Variants in FSIP2 observed in about 807,000 individuals in gnomAD.
FSIP2 encodes the protein fibrous sheath-interacting protein 2.
FSIP2 carries 367 observed loss-of-function variants against 510.5 expected under a neutral mutation model. That is an observed-to-expected ratio of 0.72 (90% CI 0.66 to 0.78). FSIP2 has a LOEUF of 0.78. Ranked by LOEUF, FSIP2 falls within the 30% of genes least tolerant of loss-of-function variation. FSIP2 has a pLI of 0.00. For missense variants in FSIP2, 7,594 were observed against 7,901.7 expected (o/e 0.96, Z 1.48); for synonymous variants, 2,601 against 2,732.2 (o/e 0.95, Z 1.50).
chr2:185,805,869 T>C lies in FSIP2; in HGVS notation c.16563T>C (p.Asp5521=). 6.2e-7 allele frequency: 1 copy of C among 1,608,708 alleles called. No individual in the cohort carries two copies. The highest frequency in any genetic ancestry group is 8.5e-7 in the Non-Finnish European group (1 of 1,177,780). The change falls in exon 17 of 23, where the codon GAT becomes GAC. Residue 5521 remains aspartate, a synonymous_variant. Coordinates refer to ENST00000424728, the MANE Select transcript of FSIP2 (RefSeq NM_173651.4). ...ATGVTNKKEV[D]ENKVGICTQK... is the part of the protein sequence containing the mutation. ...GTGTGACAAATAAAAAGGAAGTGGA[T>C]GAAAATAAAGTGGGAATTTGTACTC...
At position 185,808,101 on chromosome 2, in the gene FSIP2, C is replaced by G; in HGVS notation, c.18795C>G (p.Gly6265=). 1 of 1,605,972 alleles carries G rather than the reference C, an allele frequency of 6.2e-7. No individual in the cohort carries two copies. The highest frequency in any genetic ancestry group is 8.5e-7 in the Non-Finnish European group (1 of 1,176,816). ...ATACCAGTGTTTTAAAGCACTCTGG[C>G]TCTTATACTTCTGTATTTAAAGATT... is the stretch of plus-strand genomic sequence containing the variant. ...SIYTSVLKHS[G]SYTSVFKDLM... Residue 6265 remains glycine (G), a synonymous_variant, in exon 17 of 23, where the codon GGC becomes GGG. Transcript: ENST00000424728.
intron 13 of FSIP2, chr2:185,765,638 G>C (rs1364167511): frequency 6.6e-6 from 1 of 151,906 alleles, no homozygotes; most frequent in East Asian, 1.9e-4. Flanking sequence ...CTCTTTTTTG[G>C]TTCCATATGA....
intron 20 of FSIP2, among the ~76,000 whole-genome samples, chr2:185,827,599 T>C (rs977195964): frequency 6.6e-6 from 1 of 151,908 alleles, no homozygotes; most frequent in Admixed American, 6.6e-5. Flanking sequence ...ATTTCACGAA[T>C]ACACTGACCT....
intron 1 of FSIP2, 31 bp downstream of exon 1, chr2:185,739,024 C>A: frequency 1.3e-6 from 2 of 1,522,326 alleles, no homozygotes; most frequent in South Asian, 2.4e-5. Flanking sequence ...CGGCGTCGCC[C>A]TCTGGCGGCC....
chr2:185,781,532 G>T (rs988786338), intron 13 of FSIP2, among the ~76,000 whole-genome samples: 1 of 152,072 alleles, frequency 6.6e-6, no homozygotes. Context: ...TTTTGGGGGG[G>T]CCCAATGTCT....
At position 185,760,987 on chromosome 2, in the gene FSIP2, G is replaced by T; in HGVS notation, c.1079-1G>T. 1 of 1,319,526 alleles carries T rather than the reference G, an allele frequency of 7.6e-7. No individual in the cohort carries two copies. Among genetic ancestry groups the T allele is most frequent in the Non-Finnish European group, 1.0e-6 (1 of 979,690 alleles). 81.7% of individuals were successfully genotyped at this position (1,319,526 alleles called of 1,614,324 possible). A position where few individuals can be genotyped will look rare whatever the true frequency, so the allele number is the denominator to read the frequency against. On this transcript the variant is annotated splice_acceptor_variant, in intron 9 of 22. Coordinates refer to ENST00000424728, the MANE Select transcript of FSIP2 (RefSeq NM_173651.4). LOFTEE classifies it high-confidence loss of function. Reference sequence around the variant, plus strand: ...AGAGTTTCTCTCTCGTTTTCTTTTAGGACATACAGCAAATGCTGCTCATCA... The same window carrying T: ...AGAGTTTCTCTCTCGTTTTCTTTTATGACATACAGCAAATGCTGCTCATCA...
rs1172987227 is a variant in FSIP2 at position 185,783,104 on chromosome 2, G to GT, written c.1469+348dup. 5.3e-5 allele frequency among the ~76,000 whole-genome samples: 8 copies of GT among 152,142 alleles called. 1 individual carries two copies. The Middle Eastern group carries it at 0.017, about 323-fold the overall frequency. Reference sequence around the variant, plus strand: ...CTTTGAAACAGCTACCATTTCTTATGTTTTTTGAGATTATTGGCTGTCTAA... The same window carrying GT: ...CTTTGAAACAGCTACCATTTCTTATGTTTTTTTGAGATTATTGGCTGTCTAA... On this transcript the variant is annotated intron_variant, in intron 14 of 22. Transcript: ENST00000424728.
chr2:185,787,824 T>C (rs1693025155), intron 15 of FSIP2, among the ~76,000 whole-genome samples: 1 of 151,690 alleles, frequency 6.6e-6, no homozygotes, highest in Non-Finnish European at 1.5e-5. Flanking sequence ...CCCTCCCTAC[T>C]CTTTGATTCC....
At chr2:185,798,705 C>T (rs1693356349) in intron 16 of FSIP2, among the ~76,000 whole-genome samples, 1 of 151,800 alleles carries the variant, frequency 6.6e-6, no homozygotes, top group Non-Finnish European at 1.5e-5. Flanking sequence ...CTTAAATAGA[C>T]TTACTCCAGG....
At chr2:185,823,654 G>A (rs1370022006) in intron 19 of FSIP2, among the ~76,000 whole-genome samples, 1 of 151,744 alleles carries the variant, frequency 6.6e-6, no homozygotes, top group Non-Finnish European at 1.5e-5. Context: ...AACTTCAATA[G>A]TGCAGACATT....
chr2:185,750,048 A>T lies in FSIP2; in HGVS notation c.870+2625A>T, dbSNP rs376602071. Among the ~76,000 whole-genome samples the T allele has an allele frequency of 2.0e-5, 3 of 151,722 alleles. No individual in the cohort carries two copies. In the South Asian group the frequency reaches 6.2e-4, roughly 31 times the overall value. ...TGGTCTGATTGTATTATCATTTTAC[A>T]TATTGTTGTATTAAATTTGCCAACA... On this transcript the variant is annotated intron_variant, in intron 7 of 22. Transcript: ENST00000424728.
Position 185,805,644 on chromosome 2 carries a change from T to G in FSIP2, c.16338T>G (p.Tyr5446Ter), listed in dbSNP as rs767925619. ...ENQLSLPDQSYKDTSSTPDCK... is the reference protein window; with the variant it reads ...ENQLSLPDQS ...AACTTTCTTTACCAGATCAATCATA[T>G]AAAGATACTTCTTCCACCCCAGATT... The change falls in exon 17 of 23, where the codon TAT (tyrosine) becomes TAG (stop). Residue 5446 changes from tyrosine to a stop codon, truncating the protein, a stop_gained. Coordinates refer to ENST00000424728, the MANE Select transcript of FSIP2 (RefSeq NM_173651.4). LOFTEE classifies it high-confidence loss of function. The G allele has an allele frequency of 4.1e-5, 66 of 1,610,600 alleles. No homozygotes were observed. Among genetic ancestry groups the G allele is most frequent in the Non-Finnish European group, 5.3e-5 (63 of 1,178,430 alleles).
At position 185,795,908 on chromosome 2, in the gene FSIP2, A is replaced by G. The variant is rs1693260736; in HGVS notation, c.8772A>G (p.Leu2924=). 4 of 1,533,696 alleles carry G rather than the reference A, an allele frequency of 2.6e-6. No homozygotes were observed. The highest frequency in any genetic ancestry group is 8.7e-7 in the Non-Finnish European group (1 of 1,145,548). The change falls in exon 16 of 23, where the codon CTA becomes CTG. Residue 2924 remains leucine (L), a synonymous_variant. Transcript: ENST00000424728. ...NMFGREIVEM[L]LEKLQLCFLS... is the part of the protein sequence containing the mutation. ...TTGGAAGGGAAATTGTTGAAATGCT[A>G]CTTGAAAAACTACAGCTATGCTTTC...
chr2:185,806,840 A>C lies in FSIP2; in HGVS notation c.17534A>C (p.Lys5845Thr), dbSNP rs1693593337. Residue 5845 changes from lysine to threonine, a missense_variant, in exon 17 of 23, where the codon AAG (lysine) becomes ACG (threonine). Physicochemically the swap from Lys to Thr is moderately conservative, Grantham distance 78 (BLOSUM62 -1). Transcript: ENST00000424728. ...AAGGAGTTCTCAGATGCTCAAATTA[A>C]GGTTTTCAGGCCAGATAAGGGAAAT... ...LLKEFSDAQI[K>T]VFRPDKGNQF... 1 of 1,609,812 alleles carries C rather than the reference A, an allele frequency of 6.2e-7. No individual in the cohort carries two copies.
intron 19 of FSIP2, 76 bp from the exon 20 acceptor site, chr2:185,824,358 C>A: frequency 1.1e-6 from 1 of 921,976 alleles, no homozygotes; most frequent in Non-Finnish European, 1.7e-6. Flanking sequence ...TGGAGAATAA[C>A]TGTTCTTTTG....
At chr2:185,746,495 T>C (rs1692036889) in intron 5 of FSIP2, among the ~76,000 whole-genome samples, 174 bp from the exon 6 acceptor site, 1 of 152,068 alleles carries the variant, frequency 6.6e-6, no homozygotes, top group East Asian at 1.9e-4. Context: ...GGTGAGCTGG[T>C]GGGTTAGGCT....
At chr2:185,812,521 A>C (rs748318658) in intron 17 of FSIP2, among the ~76,000 whole-genome samples, 3 of 152,044 alleles carry the variant, frequency 2.0e-5, no homozygotes, top group African/African-American at 4.8e-5. Flanking sequence ...TATCTTCAAC[A>C]AAAGGACACA....
At chr2:185,778,379 A>T (rs936712498) in intron 13 of FSIP2, among the ~76,000 whole-genome samples, 4 of 152,080 alleles carry the variant, frequency 2.6e-5, no homozygotes, top group Non-Finnish European at 5.9e-5. Context: ...TTAGAACAGT[A>T]TGTGAAACTT....
In FSIP2 at chr2:185,806,055, C is replaced by T; in HGVS notation, c.16749C>T (p.Tyr5583=). Residue 5583 remains tyrosine (Y), a synonymous_variant, in exon 17 of 23, where the codon TAC becomes TAT. Coordinates refer to ENST00000424728, the MANE Select transcript of FSIP2 (RefSeq NM_173651.4). The stretch of plus-strand genomic sequence containing the variant: ...AAAAAGGGAAAGATGATGAGATATA[C>T]ACACATTTTTCATTAATAATTGATG... ...TDKKGKDDEI[Y]THFSLIIDDT... 6.5e-7 allele frequency: 1 copy of T among 1,549,368 alleles called. No individual in the cohort carries two copies. Among genetic ancestry groups the T allele is most frequent in the South Asian group, 1.2e-5 (1 of 83,484 alleles).
Sources: gnomAD v4.1 joint callset for allele counts (sites outside exome capture counted in the v4.1 genomes callset) on GRCh38, gnomAD v4.1.1 for gene constraint, MANE v1.5 for transcripts, NCBI Gene and HGNC (gene_info 2026-07-23, HGNC 2026-07-21) for gene names.